The following MFAP1 variants were observed in gnomAD, a reference collection of about 807,000 sequenced individuals.
The protein encoded by MFAP1 is microfibrillar-associated protein 1.
A neutral mutation model predicts 62.2 loss-of-function variants in MFAP1; 18 were observed. The observed-to-expected ratio is 0.29, with a 90% CI of 0.20 to 0.43. MFAP1 has a LOEUF of 0.43. Among genes scored for constraint, MFAP1 ranks in the 20% least tolerant of loss-of-function variants. MFAP1 has a pLI of 1.00. For synonymous variants in MFAP1, 175 were observed against 180.4 expected (o/e 0.97, Z 0.24); for missense variants, 355 against 559.7 (o/e 0.63, Z 3.69).
intron 1 of MFAP1, among the ~76,000 whole-genome samples, chr15:43,819,875 T>C (rs1295374088): frequency 2.0e-5 from 3 of 152,106 alleles, no homozygotes; most frequent in Non-Finnish European, 2.9e-5. Flanking sequence ...CAGCTGGGTG[T>C]GGTGGCTCAC....
In MFAP1 at chr15:43,821,871, C is replaced by T. The variant is rs193051815; in HGVS notation, c.79+2620G>A. Reference sequence around the variant, plus strand: ...GTGCAGGGAAGGATTATTTCTTAAACGATATACAAAAAAAAGCTAAAACCA... The same window carrying T: ...GTGCAGGGAAGGATTATTTCTTAAATGATATACAAAAAAAAGCTAAAACCA... On this transcript the variant is annotated intron_variant, in intron 1 of 8. Transcript: ENST00000267812. 4.6e-5 allele frequency among the ~76,000 whole-genome samples: 7 copies of T among 151,334 alleles called. No individual in the cohort carries two copies. The East Asian group carries it at 1.4e-3, about 29-fold the overall frequency.
intron 1 of MFAP1, among the ~76,000 whole-genome samples, chr15:43,821,436 A>C (rs1395920958): frequency 6.6e-6 from 1 of 151,954 alleles, no homozygotes; most frequent in Non-Finnish European, 1.5e-5. Flanking sequence ...GAAGAAGAAT[A>C]AAGCTGATGG....
chr15:43,813,640 G>C (rs2087417036), intron 4 of MFAP1, among the ~76,000 whole-genome samples: 2 of 151,072 alleles, frequency 1.3e-5, no homozygotes, highest in Non-Finnish European at 2.9e-5. Context: ...CTCCTGAGTA[G>C]CTGGGATTAC....
chr15:43,808,896 G>A (rs1307805005), intron 7 of MFAP1, among the ~76,000 whole-genome samples: 2 of 152,188 alleles, frequency 1.3e-5, no homozygotes, highest in African/African-American at 2.4e-5. Context: ...TTAACAGATT[G>A]CTATTTTGAT....
rs55634266 is a variant in MFAP1, at chr15:43,820,512, TAA to T, written c.80-3066_80-3065del. On this transcript the variant is annotated intron_variant, in intron 1 of 8. Coordinates refer to ENST00000267812, the MANE Select transcript of MFAP1 (RefSeq NM_005926.3). Reference sequence around the variant, plus strand: ...TAGAAAACACAAGATAACAAATAGATAAAAGAGTTCAGAAAAAATGCTAGATA... The same window carrying T: ...TAGAAAACACAAGATAACAAATAGATAAGAGTTCAGAAAAAATGCTAGATA... Among the ~76,000 whole-genome samples the T allele has an allele frequency of 9.3e-3, 1,413 of 152,296 alleles. 8 individuals carry two copies. Among genetic ancestry groups the T allele is most frequent in the Non-Finnish European group, 0.015 (1,040 of 68,000 alleles).
chr15:43,809,994 T>G lies in MFAP1; in HGVS notation c.888-80A>C, dbSNP rs1323172002. Reference sequence around the variant, plus strand: ...ATTATCTGAAAATAACAGTCCCATGTCATTTCAAGTATTAGTCACCTTCTT... The same window carrying G: ...ATTATCTGAAAATAACAGTCCCATGGCATTTCAAGTATTAGTCACCTTCTT... On this transcript the variant is annotated intron_variant, in intron 6 of 8. Transcript: ENST00000267812. The G allele has an allele frequency of 6.0e-6, 9 of 1,508,048 alleles. No individual in the cohort carries two copies. The East Asian group carries it at 1.8e-4, about 30-fold the overall frequency. The allele number at this position is 1,508,048 out of a possible 1,614,324, so 93.4% of individuals were successfully genotyped here. A position where few individuals can be genotyped will look rare whatever the true frequency, so the allele number is the denominator to read the frequency against.
chr15:43,806,301 G>A (rs2087365066), intron 7 of MFAP1, among the ~76,000 whole-genome samples: 1 of 152,110 alleles, frequency 6.6e-6, no homozygotes, highest in African/African-American at 2.4e-5. Context: ...CACGTCTAAA[G>A]TGAAAACCAT....
chr15:43,806,386 A>T (rs2087365817), intron 7 of MFAP1, among the ~76,000 whole-genome samples: 1 of 152,128 alleles, frequency 6.6e-6, no homozygotes, highest in South Asian at 2.1e-4. Flanking sequence ...GTACTCTTCG[A>T]TTACCTAGAT....
intron 7 of MFAP1, among the ~76,000 whole-genome samples, chr15:43,805,932 T>A (rs558142197): frequency 1.1e-4 from 16 of 151,768 alleles, no homozygotes; most frequent in Admixed American, 2.0e-4. Flanking sequence ...TCTTTTTCCT[T>A]TGTTGTATTT....
At chr15:43,805,841 C>T (rs1483176094) in intron 7 of MFAP1, among the ~76,000 whole-genome samples, 7 of 151,982 alleles carry the variant, frequency 4.6e-5, no homozygotes, top group Admixed American at 2.0e-4. Flanking sequence ...CTCGATATCC[C>T]GACCTTGCGA....
At chr15:43,819,334 G>T (rs889966872) in intron 1 of MFAP1, among the ~76,000 whole-genome samples, 1 of 152,042 alleles carries the variant, frequency 6.6e-6, no homozygotes, top group Non-Finnish European at 1.5e-5. Flanking sequence ...TAGAGAAAGG[G>T]TCTTGCTATG....
chr15:43,816,035 G>C (rs1445632397), intron 2 of MFAP1, among the ~76,000 whole-genome samples: 1 of 152,112 alleles, frequency 6.6e-6, no homozygotes, highest in East Asian at 1.9e-4. Context: ...CTGGGTTTTG[G>C]TGGCTGCTGT....
chr15:43,808,237 G>T (rs1489129195), intron 7 of MFAP1, among the ~76,000 whole-genome samples: 1 of 152,152 alleles, frequency 6.6e-6, no homozygotes, highest in African/African-American at 2.4e-5. Flanking sequence ...ACAAAGTCTT[G>T]GTCAGCCACC....
At chr15:43,816,279 T>C (rs1236954123) in intron 2 of MFAP1, among the ~76,000 whole-genome samples, 1 of 147,292 alleles carries the variant, frequency 6.8e-6, no homozygotes, top group African/African-American at 2.5e-5. Flanking sequence ...GGAGTCTCGC[T>C]TTGTCACCCA....
At chr15:43,810,502 G>T (rs1170659793) in intron 6 of MFAP1, among the ~76,000 whole-genome samples, 1 of 151,822 alleles carries the variant, frequency 6.6e-6, no homozygotes, top group Admixed American at 6.6e-5. Flanking sequence ...GATTAGCTGG[G>T]ACTACAGGTG....
intron 7 of MFAP1, 110 bp downstream of exon 7, chr15:43,809,645 C>A: frequency 7.5e-7 from 1 of 1,331,786 alleles, no homozygotes; most frequent in Middle Eastern, 1.9e-4. Context: ...AGAAAGCTGA[C>A]CACTGGCAAG....
intron 6 of MFAP1, among the ~76,000 whole-genome samples, chr15:43,810,887 G>T (rs1047575564): frequency 7.2e-5 from 11 of 151,922 alleles, no homozygotes; most frequent in Non-Finnish European, 4.4e-5. Context: ...CTCCTGAGTA[G>T]CTGGGATTAC....
rs1423740919 is a variant in MFAP1, at chr15:43,813,142, G to T, written c.732C>A (p.Val244=). 2 of 1,613,964 alleles carry T rather than the reference G, an allele frequency of 1.2e-6. No homozygotes were observed. Among genetic ancestry groups the T allele is most frequent in the Admixed American group, 1.7e-5 (1 of 59,982 alleles). Residue 244 remains valine (V), a synonymous_variant, in exon 6 of 9, where the codon GTC becomes GTA. Transcript: ENST00000267812. ...CCAGCTCTTTTTTGGTTTCCTCTTCGACAATCTGGATAGGGAGAACAATTC... is the reference window on the plus strand; with the variant it reads ...CCAGCTCTTTTTTGGTTTCCTCTTCTACAATCTGGATAGGGAGAACAATTC... ...EERRKYTLKI[V]EEETKKELEE...
At position 43,820,843 on chromosome 15, in the gene MFAP1, A is replaced by G. The variant is rs909926459; in HGVS notation, c.80-3395T>C. Among the ~76,000 whole-genome samples, 4 of 152,194 alleles carry G rather than the reference A, an allele frequency of 2.6e-5. No individual in the cohort carries two copies. The South Asian group carries it at 8.3e-4, about 31-fold the overall frequency. On this transcript the variant is annotated intron_variant, in intron 1 of 8. Coordinates refer to ENST00000267812, the MANE Select transcript of MFAP1 (RefSeq NM_005926.3). ...TGCTGGTCTTGAACTCCTGGACTCA[A>G]GTGATCCTCTTGCCTAGGGCCTCCC...
Sources: gnomAD v4.1 joint callset for allele counts (sites outside exome capture counted in the v4.1 genomes callset) on GRCh38, gnomAD v4.1.1 for gene constraint, MANE v1.5 for transcripts, NCBI Gene and HGNC (gene_info 2026-07-23, HGNC 2026-07-21) for gene names.